The following ROBO1 variants were observed in gnomAD, a reference collection of about 807,000 sequenced individuals.
ROBO1 encodes the protein roundabout guidance receptor 1, also known as roundabout homolog 1.
In ROBO1, 149 loss-of-function variants were observed where a neutral mutation model predicts 195.9. The observed-to-expected ratio is 0.76, with a 90% CI of 0.67 to 0.87. ROBO1 has a LOEUF of 0.87. Among genes scored for constraint, ROBO1 ranks in the 40% least tolerant of loss-of-function variants. The pLI is 0.00. For synonymous variants in ROBO1, 816 were observed against 733.2 expected (o/e 1.11, Z -1.82); for missense variants, 1,933 against 2,068.3 (o/e 0.93, Z 1.27).
chr3:78,806,838 C>T (rs1320830319), intron 4 of ROBO1, among the ~76,000 whole-genome samples: 1 of 151,724 alleles, frequency 6.6e-6, no homozygotes, highest in Non-Finnish European at 1.5e-5. Context: ...TACAGAGTCT[C>T]ACTCTGTTGC....
chr3:78,893,257 A>T (rs553791093), intron 4 of ROBO1, among the ~76,000 whole-genome samples: 5 of 152,316 alleles, frequency 3.3e-5, no homozygotes, highest in Admixed American at 3.3e-4. Flanking sequence ...TTAGGCCATG[A>T]GCGCTCCTCT....
At chr3:79,535,433 C>A (rs1188609547) in intron 2 of ROBO1, among the ~76,000 whole-genome samples, 2 of 152,108 alleles carry the variant, frequency 1.3e-5, no homozygotes, top group Non-Finnish European at 2.9e-5. Context: ...AAGTGTGGTA[C>A]ATTTTCCTCT....
intron 2 of ROBO1, among the ~76,000 whole-genome samples, chr3:79,476,820 C>T (rs1446622859): frequency 6.6e-6 from 1 of 151,974 alleles, no homozygotes; most frequent in Non-Finnish European, 1.5e-5. Context: ...GGGTACACTG[C>T]TCGGGTGATG....
chr3:79,037,626 G>C (rs1404942222), intron 3 of ROBO1, among the ~76,000 whole-genome samples: 1 of 152,108 alleles, frequency 6.6e-6, no homozygotes, highest in Non-Finnish European at 1.5e-5. Flanking sequence ...GCTAGATATA[G>C]TCGGCTCTTA....
At chr3:79,575,185 C>CAG (rs1298918962) in intron 2 of ROBO1, among the ~76,000 whole-genome samples, 3 of 79,234 alleles carry the variant, frequency 3.8e-5, no homozygotes, top group African/African-American at 1.7e-4. Flanking sequence ...ATATATATAA[C>CAG]ATATATATAA....
chr3:79,234,781 G>A (rs758683809), intron 2 of ROBO1, among the ~76,000 whole-genome samples: 11 of 152,046 alleles, frequency 7.2e-5, no homozygotes, highest in Non-Finnish European at 1.5e-4. Context: ...GGGTACTCAT[G>A]GACATAAAGA....
intron 4 of ROBO1, among the ~76,000 whole-genome samples, chr3:78,763,692 T>C (rs1185869395): frequency 6.6e-6 from 1 of 152,162 alleles, no homozygotes; most frequent in Non-Finnish European, 1.5e-5. Flanking sequence ...TGTTAGTCTT[T>C]GAAAAACCAA....
intron 1 of ROBO1, among the ~76,000 whole-genome samples, chr3:79,644,003 G>A (rs943053068): frequency 1.3e-5 from 2 of 152,102 alleles, no homozygotes; most frequent in African/African-American, 2.4e-5. Context: ...TAGACTGAAA[G>A]TGAAGAGATG....
chr3:79,341,722 T>C (rs183862266), intron 2 of ROBO1, among the ~76,000 whole-genome samples: 9 of 152,140 alleles, frequency 5.9e-5, no homozygotes, highest in Non-Finnish European at 1.0e-4. Flanking sequence ...GTTTAGCCCA[T>C]CTATTTATAG....
At chr3:78,987,424 G>A (rs894923456) in intron 3 of ROBO1, among the ~76,000 whole-genome samples, 2 of 151,960 alleles carry the variant, frequency 1.3e-5, no homozygotes, top group African/African-American at 2.4e-5. Flanking sequence ...TAAAATACAG[G>A]GCATAAGAAT....
At chr3:78,888,499 T>C (rs9840011) in intron 4 of ROBO1, among the ~76,000 whole-genome samples, 5,256 of 152,310 alleles carry the variant, frequency 0.035, 305 homozygotes, top group African/African-American at 0.12. Context: ...AAATTCATTT[T>C]CTTGCTCGAA....
chr3:79,708,523 T>G (rs147664248), intron 1 of ROBO1, among the ~76,000 whole-genome samples: 1 of 152,196 alleles, frequency 6.6e-6, no homozygotes, highest in Non-Finnish European at 1.5e-5. Flanking sequence ...GCAGTAAAAT[T>G]TTGCCTCCTC....
At chr3:78,890,497 T>A (rs1490023357) in intron 4 of ROBO1, among the ~76,000 whole-genome samples, 1 of 152,066 alleles carries the variant, frequency 6.6e-6, no homozygotes, top group Non-Finnish European at 1.5e-5. Flanking sequence ...GAAGTAAACG[T>A]TGGTTGTTTA....
intron 3 of ROBO1, among the ~76,000 whole-genome samples, chr3:79,123,473 T>C (rs1361279010): frequency 1.3e-5 from 2 of 152,072 alleles, no homozygotes; most frequent in African/African-American, 2.4e-5. Context: ...TTTTCTACTT[T>C]ATTGTTCTTA....
chr3:79,055,961 T>A (rs993786885), intron 3 of ROBO1, among the ~76,000 whole-genome samples: 1 of 152,074 alleles, frequency 6.6e-6, no homozygotes, highest in Non-Finnish European at 1.5e-5. Flanking sequence ...CTCCCTGGAA[T>A]TCTCCTGTGT....
chr3:79,239,014 T>G (rs1353941193), intron 2 of ROBO1, among the ~76,000 whole-genome samples: 1 of 152,206 alleles, frequency 6.6e-6, no homozygotes, highest in East Asian at 1.9e-4. Context: ...GTAAAATCCC[T>G]AACACAGCAC....
intron 2 of ROBO1, among the ~76,000 whole-genome samples, chr3:79,329,450 T>G (rs1382284080): frequency 1.3e-5 from 2 of 152,212 alleles, no homozygotes; most frequent in Non-Finnish European, 1.5e-5. Flanking sequence ...AAATCCTGGT[T>G]CTGGAATGAT....
intron 5 of ROBO1, among the ~76,000 whole-genome samples, chr3:78,723,658 T>C (rs900518959): frequency 6.6e-6 from 1 of 151,748 alleles, no homozygotes; most frequent in African/African-American, 2.4e-5. Context: ...GGTGTGGGGT[T>C]GGGGGATTGA....
intron 1 of ROBO1, among the ~76,000 whole-genome samples, chr3:79,641,591 A>G (rs1161200141): frequency 6.6e-6 from 1 of 152,100 alleles, no homozygotes; most frequent in Non-Finnish European, 1.5e-5. Context: ...GAAACGAAAC[A>G]GTGACTGATC....
Sources: gnomAD v4.1 joint callset for allele counts (sites outside exome capture counted in the v4.1 genomes callset) on GRCh38, gnomAD v4.1.1 for gene constraint, MANE v1.5 for transcripts, NCBI Gene and HGNC (gene_info 2026-07-23, HGNC 2026-07-21) for gene names.